SLK: variants seen among roughly 807,000 people sequenced by gnomAD.
The protein encoded by SLK is STE20-like serine/threonine-protein kinase.
SLK carries 67 observed loss-of-function variants against 147.7 expected under a neutral mutation model. That is an observed-to-expected ratio of 0.45 (90% CI 0.37 to 0.56). The LOEUF is 0.56. SLK is among the 20% of genes least tolerant of loss of function. The pLI, the probability that SLK is intolerant of heterozygous loss-of-function variation, is 0.00. For missense variants in SLK, 1,136 were observed against 1,438.8 expected (o/e 0.79, Z 3.41); for synonymous variants, 441 against 475.0 (o/e 0.93, Z 0.93).
rs771355746 is a variant in SLK at position 103,998,927 on chromosome 10, G to T, written c.543G>T (p.Thr181=). The stretch of plus-strand genomic sequence containing the variant: ...ATTTTGGAGTATCAGCTAAAAACAC[G>T]AGGACAATTCAAAGAAGAGATTCCT... ...LADFGVSAKN[T]RTIQRRDSFI... Residue 181 remains threonine, a synonymous_variant, in exon 5 of 19, where the codon ACG becomes ACT. Coordinates refer to ENST00000369755, the MANE Select transcript of SLK (RefSeq NM_014720.4). 1 of 1,611,890 alleles carries T rather than the reference G, an allele frequency of 6.2e-7. No individual in the cohort carries two copies. Among genetic ancestry groups the T allele is most frequent in the Non-Finnish European group, 8.5e-7 (1 of 1,178,288 alleles).
intron 1 of SLK, among the ~76,000 whole-genome samples, chr10:103,985,475 C>T (rs1289902614): frequency 6.6e-6 from 1 of 152,194 alleles, no homozygotes; most frequent in Non-Finnish European, 1.5e-5. Flanking sequence ...TTAGGCTCTT[C>T]TTCTTTTGGT....
In SLK at chr10:104,002,527, GA is replaced by G; in HGVS notation, c.1353del (p.Glu452ArgfsTer4). 1 of 1,610,422 alleles carries G rather than the reference GA, an allele frequency of 6.2e-7. No homozygotes were observed. The highest frequency in any genetic ancestry group is 8.5e-7 in the Non-Finnish European group (1 of 1,178,516). On this transcript the variant is annotated frameshift_variant, in exon 9 of 19. Transcript: ENST00000369755. LOFTEE classifies it high-confidence loss of function. ...GTGGACATTAATTCAGTCAGTGAAG[GA>G]AAAGAGAATAATATAATGATAACCT... is the stretch of plus-strand genomic sequence containing the variant. ...ETVDINSVSE[G>X]KENNIMITLE...
chr10:104,024,230 A>G (rs941068203), intron 18 of SLK, among the ~76,000 whole-genome samples: 2 of 152,172 alleles, frequency 1.3e-5, no homozygotes, highest in Non-Finnish European at 2.9e-5. Context: ...GCTTGTTTAA[A>G]TTATTCAGGA....
rs565229187 is a variant in SLK at position 104,017,183 on chromosome 10, G to A, written c.2878-977G>A. ...AGTATGTACTCAATAAATATTTGTT[G>A]AATGAATTAGTGAATCCGAAACATG... On this transcript the variant is annotated intron_variant, in intron 13 of 18. Transcript: ENST00000369755. 6.4e-4 allele frequency among the ~76,000 whole-genome samples: 97 copies of A among 152,308 alleles called. 2 individuals carry two copies. The highest frequency in any genetic ancestry group is 2.4e-4 in the Non-Finnish European group (16 of 68,032).
chr10:104,017,668 T>C (rs1844481885), intron 13 of SLK, among the ~76,000 whole-genome samples: 1 of 152,094 alleles, frequency 6.6e-6, no homozygotes, highest in African/African-American at 2.4e-5. Flanking sequence ...TTAGTAGAGA[T>C]GGGGTTTCAC....
Position 104,006,045 on chromosome 10 carries a change from G to GA in SLK, c.2604+11dup. On this transcript the variant is annotated intron_variant, in intron 11 of 18. Transcript: ENST00000369755. ...TGAGCAGGAAATGATGGTAAAGTCT[G>GA]ATTGTTATACCATTTTATATCATTT... The GA allele has an allele frequency of 6.2e-7, 1 of 1,607,688 alleles. No individual in the cohort carries two copies.
intron 11 of SLK, among the ~76,000 whole-genome samples, chr10:104,006,693 G>C (rs188243810): frequency 2.8e-4 from 42 of 152,294 alleles, no homozygotes; most frequent in African/African-American, 1.0e-3. Context: ...AAATGTTACA[G>C]TACTCATGTT....
At chr10:104,011,494 A>G (rs1295194436) in intron 13 of SLK, among the ~76,000 whole-genome samples, 11 of 152,090 alleles carry the variant, frequency 7.2e-5, no homozygotes, top group African/African-American at 2.4e-4. Flanking sequence ...ATTTTTACCT[A>G]TATAGAGTTT....
At chr10:104,018,757 G>T in intron 14 of SLK, 27 bp from the exon 15 acceptor site, 2 of 1,588,806 alleles carry the variant, frequency 1.3e-6, no homozygotes, top group South Asian at 1.2e-5. Context: ...AGAGCAAAGT[G>T]ACATTTTGAA....
chr10:104,018,306 T>G lies in SLK; in HGVS notation c.3007+17T>G. 6.3e-7 allele frequency: 1 copy of G among 1,591,676 alleles called. No individual in the cohort carries two copies. Among genetic ancestry groups the G allele is most frequent in the Non-Finnish European group, 8.5e-7 (1 of 1,172,048 alleles). On this transcript the variant is annotated intron_variant, in intron 14 of 18. Transcript: ENST00000369755. The stretch of plus-strand genomic sequence containing the variant: ...TCATGAGAGGTAATTTTTTTAAAAT[T>G]AAGAAATACTGCAAAATGTAGAATT...
At chr10:104,001,110 T>G (rs972664638) in intron 7 of SLK, among the ~76,000 whole-genome samples, 1 of 151,082 alleles carries the variant, frequency 6.6e-6, no homozygotes, top group Non-Finnish European at 1.5e-5. Flanking sequence ...GACCTGACAT[T>G]TGCTTTAAAT....
Position 104,008,279 on chromosome 10 carries a change from G to A in SLK, c.2707G>A (p.Glu903Lys), listed in dbSNP as rs139235638. 4.7e-4 allele frequency: 759 copies of A among 1,614,022 alleles called. 2 individuals are homozygous for A. The highest frequency in any genetic ancestry group is 6.2e-4 in the Non-Finnish European group (726 of 1,179,950). The change falls in exon 12 of 19, where the codon GAA (glutamate) becomes AAA (lysine). Residue 903 changes from glutamate (E) to lysine (K), a missense_variant. Transcript: ENST00000369755. Reference protein sequence around the residue: ...EQEHTNRLRDEAKRIKGEQEK... With the variant: ...EQEHTNRLRDKAKRIKGEQEK... ...AGAGCACACAAATCGCTTGCGAGATGAAGCCAAACGCATCAAAGGAGAACA... is the reference window on the plus strand; with the variant it reads ...AGAGCACACAAATCGCTTGCGAGATAAAGCCAAACGCATCAAAGGAGAACA...
At chr10:104,003,640 CAA>C in intron 9 of SLK, 113 bp downstream of exon 9, 2 of 881,940 alleles carry the variant, frequency 2.3e-6, no homozygotes, top group Non-Finnish European at 3.4e-6. Flanking sequence ...GTAGTATTAA[CAA>C]TATAAATTCT....
At chr10:103,993,228 A>G (rs924331281) in intron 4 of SLK, 95 bp downstream of exon 4, 3 of 841,886 alleles carry the variant, frequency 3.6e-6, no homozygotes, top group African/African-American at 1.8e-5. Flanking sequence ...CTACTTAAAT[A>G]TGTGAAACAT....
In SLK at chr10:104,028,098, A is replaced by G. The variant is rs1844621426; in HGVS notation, c.*2378A>G. 6.6e-6 allele frequency: 1 copy of G among 152,228 alleles called. No individual in the cohort carries two copies. Among genetic ancestry groups the G allele is most frequent in the Admixed American group, 6.5e-5 (1 of 15,284 alleles). The allele number at this position is 152,228 out of a possible 1,614,324, so 9.4% of individuals were successfully genotyped here. A position where few individuals can be genotyped will look rare whatever the true frequency, so the allele number is the denominator to read the frequency against. On this transcript the variant is annotated 3_prime_UTR_variant, in exon 19 of 19. Coordinates refer to ENST00000369755, the MANE Select transcript of SLK (RefSeq NM_014720.4). Reference sequence around the variant, plus strand: ...CACCTCTTCTGAGGCCCTGTATTCAAATAGATGATAGTGATCTATCTTTCC... The same window carrying G: ...CACCTCTTCTGAGGCCCTGTATTCAGATAGATGATAGTGATCTATCTTTCC...
intron 1 of SLK, among the ~76,000 whole-genome samples, chr10:103,978,556 AT>A (rs908133542): frequency 6.6e-6 from 1 of 151,994 alleles, no homozygotes; most frequent in African/African-American, 2.4e-5. Flanking sequence ...GTGAATATAT[AT>A]TTTTTTTCCT....
intron 4 of SLK, among the ~76,000 whole-genome samples, chr10:103,994,692 A>G (rs934737060): frequency 2.0e-5 from 3 of 152,150 alleles, no homozygotes; most frequent in African/African-American, 7.2e-5. Context: ...GGGAGGAGGG[A>G]TGATGTGAAA....
intron 3 of SLK, 101 bp from the exon 4 acceptor site, chr10:103,992,883 A>G: frequency 2.4e-6 from 2 of 829,414 alleles, no homozygotes; most frequent in Non-Finnish European, 3.9e-6. Flanking sequence ...TTCCCTGCAT[A>G]TGATCTTTGA....
chr10:103,973,184 A>G (rs530245673), intron 1 of SLK, among the ~76,000 whole-genome samples: 1 of 152,318 alleles, frequency 6.6e-6, no homozygotes, highest in East Asian at 1.9e-4. Context: ...TAGATCTATA[A>G]TCTACCTAGA....
Sources: allele counts gnomAD v4.1 joint callset (sites outside exome capture counted in the v4.1 genomes callset), GRCh38; gene constraint gnomAD v4.1.1; transcripts MANE v1.5; gene names NCBI Gene and HGNC (gene_info 2026-07-23, HGNC 2026-07-21).